The following CEP70 variants were observed in gnomAD, a reference collection of about 807,000 sequenced individuals.
CEP70 encodes centrosomal protein of 70 kDa.
CEP70 carries 70 observed loss-of-function variants against 90.9 expected under a neutral mutation model. That is an observed-to-expected ratio of 0.77 (90% CI 0.64 to 0.94). The LOEUF (loss-of-function observed/expected upper bound fraction) is 0.94, where lower values mean the gene tolerates loss of function less well. CEP70 is among the 40% of genes least tolerant of loss of function. The pLI is 0.00. For missense variants in CEP70, 648 were observed against 669.0 expected (o/e 0.97, Z 0.35); for synonymous variants, 220 against 228.3 (o/e 0.96, Z 0.33).
intron 2 of CEP70, among the ~76,000 whole-genome samples, chr3:138,589,105 G>A (rs1376117958): frequency 4.6e-5 from 7 of 152,060 alleles, no homozygotes; most frequent in Non-Finnish European, 7.4e-5. Context: ...GAATTTGGGG[G>A]GATGATGGAT....
intron 6 of CEP70, among the ~76,000 whole-genome samples, chr3:138,560,973 G>A (rs548609452): frequency 8.5e-5 from 13 of 152,250 alleles, no homozygotes; most frequent in African/African-American, 1.7e-4. Context: ...CTGGCCTGAC[G>A]GCTCTGAAGA....
At chr3:138,508,183 T>C (rs1239078783) in intron 12 of CEP70, among the ~76,000 whole-genome samples, 1 of 152,140 alleles carries the variant, frequency 6.6e-6, no homozygotes, top group East Asian at 1.9e-4. Flanking sequence ...GGGAAAAGGA[T>C]TATAGAAACT....
At chr3:138,544,820 T>A (rs915668754) in intron 6 of CEP70, among the ~76,000 whole-genome samples, 10 of 152,074 alleles carry the variant, frequency 6.6e-5, no homozygotes, top group African/African-American at 2.4e-4. Context: ...GAAAGACAAC[T>A]ATTGCACATT....
chr3:138,535,109 T>C (rs2038151441), intron 7 of CEP70, among the ~76,000 whole-genome samples: 1 of 152,192 alleles, frequency 6.6e-6, no homozygotes, highest in African/African-American at 2.4e-5. Context: ...TACAGCACAC[T>C]TTCCATATTG....
At chr3:138,513,668 A>T (rs2035737417) in intron 11 of CEP70, among the ~76,000 whole-genome samples, 1 of 152,148 alleles carries the variant, frequency 6.6e-6, no homozygotes, top group African/African-American at 2.4e-5. Context: ...TGTTAATTTC[A>T]CTTTGACTCA....
intron 11 of CEP70, among the ~76,000 whole-genome samples, chr3:138,521,798 A>C (rs1022429918): frequency 3.3e-5 from 5 of 152,262 alleles, no homozygotes; most frequent in Admixed American, 2.6e-4. Flanking sequence ...CCAACAGCTC[A>C]TTGAGAACAA....
In CEP70 at chr3:138,571,172, T is replaced by C; in HGVS notation, c.161-15A>G. 6.4e-7 allele frequency: 1 copy of C among 1,563,162 alleles called. No homozygotes were observed. The highest frequency in any genetic ancestry group is 8.7e-7 in the Non-Finnish European group (1 of 1,152,962). On this transcript the variant is annotated splice_polypyrimidine_tract_variant and intron_variant, in intron 4 of 17. Coordinates refer to ENST00000264982, the MANE Select transcript of CEP70 (RefSeq NM_024491.4). ...AATGATGAGATCTACATTTAAAAAGTATATAATACAGATAGTAAAAATAAA... is the reference window on the plus strand; with the variant it reads ...AATGATGAGATCTACATTTAAAAAGCATATAATACAGATAGTAAAAATAAA...
chr3:138,558,817 C>T (rs1337341373), intron 6 of CEP70, among the ~76,000 whole-genome samples: 3 of 152,018 alleles, frequency 2.0e-5, no homozygotes, highest in Non-Finnish European at 2.9e-5. Flanking sequence ...CCAGGCACAC[C>T]AGGAGTAAAA....
intron 17 of CEP70, 96 bp from the exon 18 acceptor site, chr3:138,495,172 C>A: frequency 1.5e-6 from 1 of 682,666 alleles, no homozygotes; most frequent in Non-Finnish European, 2.6e-6. Context: ...AAACCCCAAA[C>A]ATAAAGGCAA....
intron 2 of CEP70, among the ~76,000 whole-genome samples, chr3:138,581,694 C>CAAAAAAAAAAAAAAAAAAAAAA (rs35064874): frequency 3.8e-5 from 3 of 79,354 alleles, no homozygotes; most frequent in Non-Finnish European, 7.3e-5. Context: ...AAACTTGTCT[C>CAAAAAAAAAAAAAAAAAAAAAA]AAAAAAAAAA....
chr3:138,540,507 T>C (rs1486160092), intron 6 of CEP70, among the ~76,000 whole-genome samples: 1 of 145,560 alleles, frequency 6.9e-6, no homozygotes, highest in Non-Finnish European at 1.5e-5. Flanking sequence ...AAGCTCAATA[T>C]CACTGATCAT....
intron 6 of CEP70, among the ~76,000 whole-genome samples, chr3:138,569,146 A>G (rs2040993391): frequency 6.6e-6 from 1 of 152,158 alleles, no homozygotes; most frequent in Non-Finnish European, 1.5e-5. Context: ...ACAAGGTCAG[A>G]GCACCAACTG....
intron 2 of CEP70, among the ~76,000 whole-genome samples, chr3:138,576,722 T>C (rs1275136735): frequency 3.3e-5 from 5 of 152,274 alleles, no homozygotes; most frequent in Admixed American, 6.5e-5. Flanking sequence ...CCTCAGCAAA[T>C]GTAAAACAAC....
chr3:138,509,234 A>G (rs1186119190), intron 11 of CEP70, among the ~76,000 whole-genome samples: 1 of 152,184 alleles, frequency 6.6e-6, no homozygotes, highest in African/African-American at 2.4e-5. Context: ...ACGTGCTCCA[A>G]GATCACAGAC....
chr3:138,538,231 G>T (rs754190174), intron 6 of CEP70, among the ~76,000 whole-genome samples: 7 of 152,154 alleles, frequency 4.6e-5, no homozygotes, highest in Non-Finnish European at 1.0e-4. Flanking sequence ...AGCAACCCCA[G>T]CCTGCAAAAT....
intron 2 of CEP70, among the ~76,000 whole-genome samples, chr3:138,591,051 G>T (rs1278315530): frequency 6.6e-6 from 1 of 152,100 alleles, no homozygotes; most frequent in Non-Finnish European, 1.5e-5. Context: ...AAATAGAAAA[G>T]TAAAGGAAAT....
intron 6 of CEP70, among the ~76,000 whole-genome samples, chr3:138,560,432 C>T (rs1022078131): frequency 7.9e-5 from 12 of 151,962 alleles, no homozygotes; most frequent in South Asian, 6.2e-4. Context: ...CAAAACTGGG[C>T]GGCCATTTGG....
chr3:138,571,135 CTG>C lies in CEP70; in HGVS notation c.181_182del (p.Gln61ValfsTer30). On this transcript the variant is annotated frameshift_variant, in exon 5 of 18. Coordinates refer to ENST00000264982, the MANE Select transcript of CEP70 (RefSeq NM_024491.4). LOFTEE classifies it high-confidence loss of function. ...DLKDLIIFDKQSSQRMRQNLK... is the reference protein window; with the variant it reads ...DLKDLIIFDKXSSQRMRQNLK... ...AATTCTGTCTCATCCTTTGTGATGA[CTG>C]TTTGTCAAAAATGATGAGATCTACA... is the stretch of plus-strand genomic sequence containing the variant. 6.3e-7 allele frequency: 1 copy of C among 1,592,588 alleles called. No homozygotes were observed. Among genetic ancestry groups the C allele is most frequent in the Non-Finnish European group, 8.6e-7 (1 of 1,166,084 alleles).
At position 138,559,669 on chromosome 3, in the gene CEP70, G is replaced by A. The variant is rs552553476; in HGVS notation, c.465+10649C>T. On this transcript the variant is annotated intron_variant, in intron 6 of 17. Transcript: ENST00000264982. ...GATCCCAGGAGGCGGAGGGTGCAGT[G>A]AGCCAAGCTTGTGCCACTGCACTCT... 7.9e-5 allele frequency among the ~76,000 whole-genome samples: 12 copies of A among 152,322 alleles called. 1 individual carries two copies. The South Asian group carries it at 2.5e-3, about 32-fold the overall frequency.
Sources: allele counts gnomAD v4.1 joint callset (sites outside exome capture counted in the v4.1 genomes callset), GRCh38; gene constraint gnomAD v4.1.1; transcripts MANE v1.5; gene names NCBI Gene and HGNC (gene_info 2026-07-23, HGNC 2026-07-21).